NDST4: variants seen among roughly 807,000 people sequenced by gnomAD.
The protein encoded by NDST4 is N-deacetylase and N-sulfotransferase 4.
NDST4 carries 63 observed loss-of-function variants against 100.8 expected under a neutral mutation model. The ratio of observed to expected loss-of-function variants is 0.62; its 90% CI spans 0.51 to 0.77. The LOEUF (loss-of-function observed/expected upper bound fraction) is 0.77, where lower values mean the gene tolerates loss of function less well. Ranked by LOEUF, NDST4 falls within the 30% of genes least tolerant of loss-of-function variation. The pLI, the probability that NDST4 is intolerant of heterozygous loss-of-function variation, is 0.00. For synonymous variants in NDST4, 377 were observed against 361.8 expected, an observed-to-expected ratio of 1.04 and a Z score of -0.48; for missense variants, 943 against 1,018.4, an observed-to-expected ratio of 0.93 and a Z score of 1.01.
At chr4:115,007,023 T>TA (rs1212321293) in intron 2 of NDST4, among the ~76,000 whole-genome samples, 11 of 152,330 alleles carry the variant, frequency 7.2e-5, no homozygotes, top group Middle Eastern at 6.8e-3. Context: ...CTATGTACTT[T>TA]ACATTGGTTA....
At chr4:115,106,998 G>T (rs1012198630) in intron 1 of NDST4, among the ~76,000 whole-genome samples, 37 of 151,878 alleles carry the variant, frequency 2.4e-4, no homozygotes, top group African/African-American at 8.5e-4. Flanking sequence ...CAAAAAATAT[G>T]AATAATAAAA....
intron 10 of NDST4, among the ~76,000 whole-genome samples, chr4:114,845,254 C>T (rs1723519419): frequency 6.6e-6 from 1 of 152,036 alleles, no homozygotes; most frequent in African/African-American, 2.4e-5. Flanking sequence ...ATAACTTCAG[C>T]CCAGGAGGGA....
chr4:114,937,128 A>G (rs1725646224), intron 5 of NDST4, among the ~76,000 whole-genome samples, 190 bp downstream of exon 5: 2 of 152,212 alleles, frequency 1.3e-5, no homozygotes, highest in South Asian at 4.1e-4. Flanking sequence ...AAGCCACTCC[A>G]CAGCTTAGGA....
At chr4:115,095,018 T>A (rs528282) in intron 1 of NDST4, among the ~76,000 whole-genome samples, 109,553 of 151,984 alleles carry the variant, frequency 0.72, 39,735 homozygotes, top group Non-Finnish European at 0.74. Context: ...TTTTAAAAAT[T>A]CATCAAGGCT....
In NDST4 at chr4:114,953,266, G is replaced by A. The variant is rs1020621591; in HGVS notation, c.1222-15763C>T. 3.3e-5 allele frequency among the ~76,000 whole-genome samples: 5 copies of A among 151,938 alleles called. No individual in the cohort carries two copies. The South Asian group carries it at 1.0e-3, about 31-fold the overall frequency. On this transcript the variant is annotated intron_variant, in intron 4 of 13. Transcript: ENST00000264363. ...TAAGAACCTTTCTCCATTTGATTTC[G>A]AAACTGAGAACAACTTAGATTTATA...
intron 6 of NDST4, among the ~76,000 whole-genome samples, chr4:114,898,117 A>C (rs564148981): frequency 2.0e-5 from 3 of 152,222 alleles, no homozygotes; most frequent in Admixed American, 6.5e-5. Context: ...TGTAGCTAAA[A>C]AGTTATTGGC....
intron 2 of NDST4, among the ~76,000 whole-genome samples, chr4:114,997,442 T>A (rs1158311095): frequency 6.6e-6 from 1 of 152,056 alleles, no homozygotes; most frequent in Non-Finnish European, 1.5e-5. Context: ...TAAACCCAGC[T>A]CTAAGGAGTA....
At chr4:114,877,188 G>A (rs574609418) in intron 6 of NDST4, among the ~76,000 whole-genome samples, 81 of 152,110 alleles carry the variant, frequency 5.3e-4, no homozygotes, top group Admixed American at 2.0e-3. Flanking sequence ...TCAAACTTCC[G>A]TCTATTTTCT....
At chr4:114,872,977 G>A (rs892589385) in intron 6 of NDST4, among the ~76,000 whole-genome samples, 8 of 151,868 alleles carry the variant, frequency 5.3e-5, no homozygotes, top group African/African-American at 1.9e-4. Flanking sequence ...TATTTTTATA[G>A]AAGGTAGTAG....
chr4:114,967,892 C>A (rs1362649079), intron 4 of NDST4, among the ~76,000 whole-genome samples: 1 of 152,018 alleles, frequency 6.6e-6, no homozygotes, highest in Non-Finnish European at 1.5e-5. Context: ...TACTGTGTGC[C>A]AGCCGCTGCT....
At chr4:114,875,367 A>G (rs1425828902) in intron 6 of NDST4, among the ~76,000 whole-genome samples, 5 of 152,238 alleles carry the variant, frequency 3.3e-5, no homozygotes, top group Non-Finnish European at 4.4e-5. Flanking sequence ...TATTCATTAG[A>G]AACATAAGCA....
intron 2 of NDST4, among the ~76,000 whole-genome samples, chr4:115,011,745 A>G (rs1358971338): frequency 6.6e-6 from 1 of 151,958 alleles, no homozygotes; most frequent in Non-Finnish European, 1.5e-5. Context: ...ATATTCCAAT[A>G]TAGCTTCCTC....
intron 2 of NDST4, among the ~76,000 whole-genome samples, chr4:115,061,969 C>T (rs1377721477): frequency 1.3e-5 from 2 of 151,354 alleles, no homozygotes; most frequent in Non-Finnish European, 2.9e-5. Flanking sequence ...GGAAAGAATA[C>T]CAGAATAAAA....
chr4:115,093,341 G>A (rs974962549), intron 1 of NDST4, among the ~76,000 whole-genome samples: 2 of 152,078 alleles, frequency 1.3e-5, no homozygotes, highest in Admixed American at 1.3e-4. Flanking sequence ...TGGGCGTGGT[G>A]GCGGGTGCCT....
chr4:115,110,294 A>G (rs1191335596), intron 1 of NDST4, among the ~76,000 whole-genome samples: 1 of 151,834 alleles, frequency 6.6e-6, no homozygotes. Flanking sequence ...CATAGCTGAA[A>G]GTTTCCTGAA....
intron 6 of NDST4, among the ~76,000 whole-genome samples, chr4:114,914,873 G>A (rs941360038): frequency 2.6e-5 from 4 of 151,938 alleles, no homozygotes; most frequent in African/African-American, 7.3e-5. Context: ...ATTTTTACTC[G>A]TGCTATCGCC....
At chr4:114,844,782 T>G (rs1226795791) in intron 10 of NDST4, among the ~76,000 whole-genome samples, 1 of 152,198 alleles carries the variant, frequency 6.6e-6, no homozygotes, top group Non-Finnish European at 1.5e-5. Flanking sequence ...ATGAACACTT[T>G]CCTCTTGTTA....
At chr4:115,011,543 A>G (rs1299934758) in intron 2 of NDST4, among the ~76,000 whole-genome samples, 1 of 151,792 alleles carries the variant, frequency 6.6e-6, no homozygotes, top group Non-Finnish European at 1.5e-5. Flanking sequence ...TTCTTGTAAG[A>G]CCTATCATTG....
intron 2 of NDST4, among the ~76,000 whole-genome samples, chr4:115,028,020 A>G (rs1286959905): frequency 6.6e-6 from 1 of 151,912 alleles, no homozygotes; most frequent in Non-Finnish European, 1.5e-5. Flanking sequence ...CCGATTCACC[A>G]TTACACTCCA....
Sources: allele counts gnomAD v4.1 joint callset (sites outside exome capture counted in the v4.1 genomes callset), GRCh38; gene constraint gnomAD v4.1.1; transcripts MANE v1.5; gene names NCBI Gene and HGNC (gene_info 2026-07-23, HGNC 2026-07-21).